Variants in CATSPERT observed in about 807,000 individuals in gnomAD.
CATSPERT encodes cation channel sperm-associated targeting subunit tau.
At chr2:201,511,546 A>T in the CATSPERT span, among the ~76,000 whole-genome samples, 16,347 of 152,064 alleles carry the variant, frequency 0.11, 1,156 homozygotes, top group African/African-American at 0.2. Context: ...GCTACCTTTC[A>T]TTGCTAAGTA....
At chr2:201,591,610 C>T in the CATSPERT span, among the ~76,000 whole-genome samples, 2 of 152,094 alleles carry the variant, frequency 1.3e-5, no homozygotes, top group South Asian at 2.1e-4. Context: ...ATTCTTCCTA[C>T]CCATGAGCAT....
At chr2:201,511,431 A>G in the CATSPERT span, among the ~76,000 whole-genome samples, 2 of 152,150 alleles carry the variant, frequency 1.3e-5, no homozygotes, top group Non-Finnish European at 2.9e-5. Context: ...AACTGCCCAA[A>G]GTTATAGGAC....
At chr2:201,520,282 A>G in the CATSPERT span, among the ~76,000 whole-genome samples, 2 of 152,234 alleles carry the variant, frequency 1.3e-5, no homozygotes, top group African/African-American at 4.8e-5. Flanking sequence ...AATCAAAAAG[A>G]AACATTGGAT....
At chr2:201,534,630 A>C in the CATSPERT span, 3 of 984,550 alleles carry the variant, frequency 3.0e-6, no homozygotes, top group Admixed American at 1.2e-4. Context: ...AAAAGTGTTA[A>C]TCATTATTTA....
the CATSPERT span, among the ~76,000 whole-genome samples, chr2:201,530,104 C>T: frequency 2.5e-3 from 379 of 152,080 alleles, 3 homozygotes; most frequent in Non-Finnish European, 4.7e-3. Flanking sequence ...AAGAATGATA[C>T]GTGTTGGCAA....
the CATSPERT span, among the ~76,000 whole-genome samples, chr2:201,489,266 A>G: frequency 6.6e-6 from 1 of 152,222 alleles, no homozygotes; most frequent in African/African-American, 2.4e-5. Context: ...ATATAATCTT[A>G]TATCATTTAA....
the CATSPERT span, among the ~76,000 whole-genome samples, chr2:201,558,449 C>T: frequency 0.055 from 8,378 of 152,304 alleles, 281 homozygotes; most frequent in African/African-American, 0.08. Context: ...GACACACCTG[C>T]GGTGACTGGA....
At chr2:201,609,061 TA>T in the CATSPERT span, among the ~76,000 whole-genome samples, 1 of 151,786 alleles carries the variant, frequency 6.6e-6, no homozygotes, top group Non-Finnish European at 1.5e-5. Context: ...AGACTTAAAG[TA>T]AAAAACAGTA....
At chr2:201,595,729 C>A in the CATSPERT span, among the ~76,000 whole-genome samples, 1 of 152,138 alleles carries the variant, frequency 6.6e-6, no homozygotes, top group Non-Finnish European at 1.5e-5. Context: ...GCAGAGGTTA[C>A]TGCTGTCTTT....
At chr2:201,529,277 C>T in the CATSPERT span, among the ~76,000 whole-genome samples, 2 of 151,984 alleles carry the variant, frequency 1.3e-5, no homozygotes, top group Non-Finnish European at 2.9e-5. Context: ...CCATAAAATA[C>T]CCCAAACAGC....
the CATSPERT span, among the ~76,000 whole-genome samples, chr2:201,568,543 T>A: frequency 5.9e-5 from 9 of 152,172 alleles, no homozygotes; most frequent in Middle Eastern, 3.4e-3. Context: ...TGAAACCACA[T>A]CTAGTATAGC....
At chr2:201,613,880 G>A in the CATSPERT span, among the ~76,000 whole-genome samples, 12 of 152,184 alleles carry the variant, frequency 7.9e-5, no homozygotes, top group African/African-American at 2.4e-5. Flanking sequence ...TGATGGAGCT[G>A]AAAACCATGG....
chr2:201,487,934 A>T, the CATSPERT span: 4 of 1,515,134 alleles, frequency 2.6e-6, 1 homozygote, highest in South Asian at 5.2e-5. Flanking sequence ...CCAATTGGTA[A>T]ATTAGGTTTC....
the CATSPERT span, among the ~76,000 whole-genome samples, chr2:201,489,553 G>GT: frequency 3.5e-4 from 54 of 152,172 alleles, no homozygotes; most frequent in African/African-American, 1.3e-3. Context: ...ATAATATATA[G>GT]CTATATAATA....
chr2:201,528,197 A>G, the CATSPERT span, among the ~76,000 whole-genome samples: 1 of 152,226 alleles, frequency 6.6e-6, no homozygotes, highest in Non-Finnish European at 1.5e-5. Flanking sequence ...AATGCAAATC[A>G]AAACCACAAT....
chr2:201,617,130 T>C, the CATSPERT span, among the ~76,000 whole-genome samples: 1 of 152,228 alleles, frequency 6.6e-6, no homozygotes, highest in East Asian at 1.9e-4. Context: ...ATGACCATAC[T>C]GCCCAAGGTA....
At chr2:201,618,093 G>C in the CATSPERT span, among the ~76,000 whole-genome samples, 1 of 152,108 alleles carries the variant, frequency 6.6e-6, no homozygotes, top group Non-Finnish European at 1.5e-5. Flanking sequence ...AAATAGGAAC[G>C]CTTTTACACT....
chr2:201,541,740 C>T, the CATSPERT span, among the ~76,000 whole-genome samples: 6 of 151,454 alleles, frequency 4.0e-5, no homozygotes, highest in East Asian at 3.9e-4. Flanking sequence ...GGACTACAGG[C>T]GTGAGCGACC....
the CATSPERT span, among the ~76,000 whole-genome samples, chr2:201,514,358 C>T: frequency 6.6e-6 from 1 of 151,998 alleles, no homozygotes; most frequent in Admixed American, 6.5e-5. Flanking sequence ...AGGGTTGATC[C>T]TAGGAACGTA....
Sources: gnomAD v4.1 joint callset for allele counts (sites outside exome capture counted in the v4.1 genomes callset) on GRCh38, gnomAD v4.1.1 for gene constraint, MANE v1.5 for transcripts, NCBI Gene and HGNC (gene_info 2026-07-23, HGNC 2026-07-21) for gene names.